The following KHDRBS2 variants were observed in gnomAD, a reference collection of about 807,000 sequenced individuals.
The protein encoded by KHDRBS2 is KH domain-containing, RNA-binding, signal transduction-associated protein 2.
In KHDRBS2, 26 loss-of-function variants were observed where a neutral mutation model predicts 44.3. That is an observed-to-expected ratio of 0.59 (90% CI 0.43 to 0.81). KHDRBS2 has a LOEUF of 0.81. Among genes scored for constraint, KHDRBS2 ranks in the 40% least tolerant of loss-of-function variants. KHDRBS2 has a pLI of 0.00. For synonymous variants in KHDRBS2, 194 were observed against 151.1 expected, an observed-to-expected ratio of 1.28 and a Z score of -2.08; for missense variants, 476 against 433.1, an observed-to-expected ratio of 1.10 and a Z score of -0.88.
At chr6:62,086,667 G>T (rs73758658) in intron 2 of KHDRBS2, among the ~76,000 whole-genome samples, 115 of 152,268 alleles carry the variant, frequency 7.6e-4, no homozygotes, top group African/African-American at 2.7e-3. Context: ...GGAGAGAGAA[G>T]CAAGTTGTCT....
intron 2 of KHDRBS2, among the ~76,000 whole-genome samples, chr6:62,162,690 G>A (rs1817893808): frequency 6.6e-6 from 1 of 152,008 alleles, no homozygotes; most frequent in Non-Finnish European, 1.5e-5. Context: ...TTGTTGTCTA[G>A]GTAGGAAGAC....
intron 6 of KHDRBS2, among the ~76,000 whole-genome samples, chr6:61,753,261 C>G (rs1284542940): frequency 6.6e-6 from 1 of 152,112 alleles, no homozygotes; most frequent in African/African-American, 2.4e-5. Flanking sequence ...ATCTCTGTAG[C>G]TGCTTTGCAG....
intron 1 of KHDRBS2, among the ~76,000 whole-genome samples, chr6:62,203,378 A>G (rs1827365546): frequency 6.6e-6 from 1 of 152,148 alleles, no homozygotes; most frequent in South Asian, 2.1e-4. Context: ...GTGGTAATGG[A>G]GAGAAGTGAA....
intron 2 of KHDRBS2, among the ~76,000 whole-genome samples, chr6:62,055,567 G>T (rs111315316): frequency 6.6e-6 from 1 of 152,044 alleles, no homozygotes; most frequent in Non-Finnish European, 1.5e-5. Flanking sequence ...CTCATTCCTA[G>T]ATATATCATC....
At chr6:61,772,177 G>C (rs892531085) in intron 6 of KHDRBS2, among the ~76,000 whole-genome samples, 3 of 152,148 alleles carry the variant, frequency 2.0e-5, no homozygotes, top group African/African-American at 7.2e-5. Flanking sequence ...GCATTGTGTA[G>C]AGGGAAATTT....
intron 1 of KHDRBS2, among the ~76,000 whole-genome samples, chr6:62,247,518 A>C (rs1835796122): frequency 6.6e-6 from 1 of 152,036 alleles, no homozygotes; most frequent in Admixed American, 6.6e-5. Context: ...GAAACCAACT[A>C]CACTAAATAT....
At chr6:61,590,741 C>T in the KHDRBS2 span, among the ~76,000 whole-genome samples, 1 of 152,088 alleles carries the variant, frequency 6.6e-6, no homozygotes, top group East Asian at 1.9e-4. Flanking sequence ...GGGGACTGAG[C>T]TAACAATATG....
chr6:61,723,070 A>G (rs1395391507), intron 7 of KHDRBS2, among the ~76,000 whole-genome samples: 1 of 152,138 alleles, frequency 6.6e-6, no homozygotes, highest in East Asian at 1.9e-4. Context: ...TGATACCTTC[A>G]GGTATGGGAA....
intron 4 of KHDRBS2, among the ~76,000 whole-genome samples, chr6:61,968,427 T>C (rs1322618134): frequency 2.6e-5 from 4 of 151,988 alleles, no homozygotes; most frequent in Non-Finnish European, 5.9e-5. Flanking sequence ...GGGTGTAATA[T>C]GTTTCTGCCA....
chr6:61,974,863 G>A (rs547916693), intron 4 of KHDRBS2, among the ~76,000 whole-genome samples: 3 of 151,892 alleles, frequency 2.0e-5, no homozygotes, highest in Admixed American at 2.0e-4. Flanking sequence ...CCCAGGAGGT[G>A]GAGGTTGCAG....
chr6:62,093,647 T>C (rs2127365961), intron 2 of KHDRBS2, among the ~76,000 whole-genome samples: 1 of 151,976 alleles, frequency 6.6e-6, no homozygotes, highest in African/African-American at 2.4e-5. Flanking sequence ...TCATCCCTCC[T>C]TTACACCCTC....
At chr6:61,696,453 T>C (rs1561980837) in intron 8 of KHDRBS2, among the ~76,000 whole-genome samples, 1 of 151,776 alleles carries the variant, frequency 6.6e-6, no homozygotes, top group Non-Finnish European at 1.5e-5. Flanking sequence ...GAGACGGGGT[T>C]TCACCATGTT....
intron 6 of KHDRBS2, among the ~76,000 whole-genome samples, chr6:61,791,731 A>G (rs1406050801): frequency 6.6e-6 from 1 of 151,314 alleles, no homozygotes; most frequent in Non-Finnish European, 1.5e-5. Flanking sequence ...TTATGAAGTT[A>G]CCCTCTGTCT....
intron 7 of KHDRBS2, among the ~76,000 whole-genome samples, 186 bp downstream of exon 7, chr6:61,732,496 C>T (rs1395176626): frequency 1.3e-5 from 2 of 152,124 alleles, no homozygotes; most frequent in East Asian, 3.8e-4. Context: ...TATTTCTTTG[C>T]TTGCAGTTGC....
intron 1 of KHDRBS2, among the ~76,000 whole-genome samples, chr6:62,253,956 T>C (rs762790706): frequency 6.6e-6 from 1 of 151,920 alleles, no homozygotes; most frequent in Non-Finnish European, 1.5e-5. Context: ...AATTATCCCA[T>C]TAGCAGCATG....
intron 2 of KHDRBS2, among the ~76,000 whole-genome samples, chr6:62,130,251 T>C (rs1314969601): frequency 6.6e-6 from 1 of 152,030 alleles, no homozygotes; most frequent in Non-Finnish European, 1.5e-5. Context: ...TAAGGTAAGG[T>C]GAGAAAATTG....
At chr6:62,116,158 A>G (rs1584795966) in intron 2 of KHDRBS2, among the ~76,000 whole-genome samples, 4 of 152,240 alleles carry the variant, frequency 2.6e-5, no homozygotes, top group South Asian at 2.1e-4. Context: ...AATCAAGCTA[A>G]CTAATAGATC....
At chr6:61,614,218 C>T in the KHDRBS2 span, among the ~76,000 whole-genome samples, 3 of 152,066 alleles carry the variant, frequency 2.0e-5, no homozygotes, top group African/African-American at 7.2e-5. Flanking sequence ...ATGTTGTGGT[C>T]TTACTCTCCT....
intron 2 of KHDRBS2, among the ~76,000 whole-genome samples, chr6:62,071,026 G>T (rs566509386): frequency 6.6e-6 from 1 of 151,984 alleles, no homozygotes; most frequent in African/African-American, 2.4e-5. Flanking sequence ...TTTAATGATC[G>T]CCATTTAACT....
Sources: allele counts gnomAD v4.1 joint callset (sites outside exome capture counted in the v4.1 genomes callset), GRCh38; gene constraint gnomAD v4.1.1; transcripts MANE v1.5; gene names NCBI Gene and HGNC (gene_info 2026-07-23, HGNC 2026-07-21).